TRABD2B: variants seen among roughly 807,000 people sequenced by gnomAD.
TRABD2B encodes the protein metalloprotease TIKI2.
In TRABD2B, 14 loss-of-function variants were observed where a neutral mutation model predicts 40.1. The observed-to-expected ratio is 0.35, with a 90% confidence interval of 0.23 to 0.55. The LOEUF is 0.55. Ranked by LOEUF, TRABD2B falls within the 20% of genes least tolerant of loss-of-function variation. The pLI is 0.90. For synonymous variants in TRABD2B, 263 were observed against 277.0 expected, an observed-to-expected ratio of 0.95 and a Z score of 0.50; for missense variants, 541 against 648.6, an observed-to-expected ratio of 0.83 and a Z score of 1.80.
intron 4 of TRABD2B, among the ~76,000 whole-genome samples, chr1:47,790,984 A>C (rs1176909637): frequency 5.3e-5 from 8 of 152,214 alleles, no homozygotes; most frequent in Non-Finnish European, 4.4e-5. Flanking sequence ...CTTAGCTCAC[A>C]GTGGCAGAGC....
At chr1:47,909,142 A>G (rs1481934259) in intron 2 of TRABD2B, among the ~76,000 whole-genome samples, 1 of 152,208 alleles carries the variant, frequency 6.6e-6, no homozygotes, top group Non-Finnish European at 1.5e-5. Flanking sequence ...ACTGACATCT[A>G]TTAAATACGT....
intron 2 of TRABD2B, among the ~76,000 whole-genome samples, chr1:47,917,883 C>T (rs1017327491): frequency 6.6e-6 from 1 of 152,134 alleles, no homozygotes; most frequent in African/African-American, 2.4e-5. Flanking sequence ...GCTTTAGACT[C>T]AGGTTGGCTG....
chr1:47,827,549 CTTGTCTTGT>C (rs1645192802), intron 2 of TRABD2B, among the ~76,000 whole-genome samples: 1 of 152,208 alleles, frequency 6.6e-6, no homozygotes, highest in East Asian at 1.9e-4. Context: ...CAGCACCTGA[CTTGTCTTGT>C]TTGTGTTGAG....
chr1:47,983,181 G>C (rs1645866019), intron 2 of TRABD2B, among the ~76,000 whole-genome samples: 1 of 152,182 alleles, frequency 6.6e-6, no homozygotes, highest in African/African-American at 2.4e-5. Context: ...TCTTTTGTGG[G>C]AACACGGATG....
At chr1:47,978,084 TC>T (rs1645784954) in intron 2 of TRABD2B, among the ~76,000 whole-genome samples, 1 of 152,074 alleles carries the variant, frequency 6.6e-6, no homozygotes, top group Admixed American at 6.5e-5. Flanking sequence ...TGAAACCTAA[TC>T]CCCAATGTGA....
At chr1:47,952,504 T>C (rs75127990) in intron 2 of TRABD2B, among the ~76,000 whole-genome samples, 2,620 of 152,328 alleles carry the variant, frequency 0.017, 33 homozygotes, top group Middle Eastern at 0.051. Context: ...TCCCATCTGC[T>C]GACTGCTGTT....
intron 4 of TRABD2B, among the ~76,000 whole-genome samples, chr1:47,793,347 T>A (rs1644702107): frequency 6.6e-6 from 1 of 152,210 alleles, no homozygotes; most frequent in Non-Finnish European, 1.5e-5. Context: ...GAGGACTGTA[T>A]CTACTTCTGA....
chr1:47,832,249 C>T (rs1022992077), intron 2 of TRABD2B, among the ~76,000 whole-genome samples: 12 of 151,910 alleles, frequency 7.9e-5, no homozygotes, highest in Admixed American at 2.0e-4. Context: ...AGGAGAAAGG[C>T]GTGAATCCGG....
In TRABD2B at chr1:47,760,589, A is replaced by T. The variant is rs953572828; in HGVS notation, c.*5313T>A. On this transcript the variant is annotated 3_prime_UTR_variant, in exon 7 of 7. Coordinates refer to ENST00000606738, the MANE Select transcript of TRABD2B (RefSeq NM_001194986.2). Reference sequence around the variant, plus strand: ...ACAAAAATATTTTTGGCAAAATAACATTAATAGCATCTTTCTTTGTCTTCT... The same window carrying T: ...ACAAAAATATTTTTGGCAAAATAACTTTAATAGCATCTTTCTTTGTCTTCT... 5 of 151,672 alleles carry T rather than the reference A, an allele frequency of 3.3e-5. No individual in the cohort carries two copies. Among genetic ancestry groups the T allele is most frequent in the Non-Finnish European group, 5.9e-5 (4 of 68,042 alleles). The allele number at this position is 151,672 out of a possible 1,614,324, so 9.4% of individuals were successfully genotyped here. A position where few individuals can be genotyped will look rare whatever the true frequency, so the allele number is the denominator to read the frequency against.
intron 6 of TRABD2B, 30 bp from the exon 7 acceptor site, chr1:47,766,136 A>G: frequency 1.4e-6 from 1 of 701,090 alleles, no homozygotes. Context: ...TGGCAGAGTC[A>G]CCATCGGCAG....
intron 4 of TRABD2B, among the ~76,000 whole-genome samples, chr1:47,787,595 T>C (rs559820514): frequency 2.6e-5 from 4 of 152,320 alleles, no homozygotes; most frequent in Middle Eastern, 3.4e-3. Flanking sequence ...CCTGGGACTC[T>C]CTTTCCTTAG....
chr1:47,882,649 T>C (rs1367409433), intron 2 of TRABD2B, among the ~76,000 whole-genome samples: 1 of 152,138 alleles, frequency 6.6e-6, no homozygotes, highest in Non-Finnish European at 1.5e-5. Context: ...ATGCCCACCA[T>C]AGCCACCAAG....
intron 2 of TRABD2B, among the ~76,000 whole-genome samples, chr1:47,877,681 T>C (rs1644244141): frequency 1.3e-5 from 2 of 152,210 alleles, no homozygotes; most frequent in South Asian, 4.1e-4. Flanking sequence ...GCAGCATTTA[T>C]ACAATTATAA....
At chr1:47,898,814 C>CA (rs1644559363) in intron 2 of TRABD2B, among the ~76,000 whole-genome samples, 2 of 152,078 alleles carry the variant, frequency 1.3e-5, no homozygotes, top group Non-Finnish European at 2.9e-5. Context: ...ATCTAACATC[C>CA]AAAAAATTCT....
rs577006667 is a variant in TRABD2B, at chr1:47,817,883, C to T, written c.667-16264G>A. On this transcript the variant is annotated intron_variant, in intron 2 of 6. Transcript: ENST00000606738. ...GAGGTCAGCAAGCCTGGGAGGCTTC[C>T]ACCCCAGCTCCTCCACCCCCGTTTG... is the stretch of plus-strand genomic sequence containing the variant. Among the ~76,000 whole-genome samples the T allele has an allele frequency of 1.1e-3, 166 of 152,362 alleles. 2 individuals are homozygous for T. The highest frequency in any genetic ancestry group is 3.9e-3 in the African/African-American group (162 of 41,592).
At chr1:47,967,594 C>A (rs542675463) in intron 2 of TRABD2B, among the ~76,000 whole-genome samples, 3 of 152,324 alleles carry the variant, frequency 2.0e-5, no homozygotes, top group African/African-American at 7.2e-5. Context: ...AACCAATACA[C>A]TGCAAAGGAT....
At chr1:47,811,840 T>C (rs192347840) in intron 2 of TRABD2B, among the ~76,000 whole-genome samples, 277 of 152,356 alleles carry the variant, frequency 1.8e-3, no homozygotes, top group African/African-American at 6.5e-3. Context: ...CAGGAGGGTG[T>C]GGGAGTACCT....
rs1217630433 is a variant in TRABD2B, at chr1:47,761,794, G to C, written c.*4108C>G. ...GGCCATCCCCAGACAGCTTTGGCTT[G>C]GTGGAAATTATGCCACTGGTGGAAC... On this transcript the variant is annotated 3_prime_UTR_variant, in exon 7 of 7. Coordinates refer to ENST00000606738, the MANE Select transcript of TRABD2B (RefSeq NM_001194986.2). 1.3e-5 allele frequency: 2 copies of C among 152,244 alleles called. No homozygotes were observed. Among genetic ancestry groups the C allele is most frequent in the African/African-American group, 2.4e-5 (1 of 41,442 alleles). The allele number at this position is 152,244 out of a possible 1,614,324, so 9.4% of individuals were successfully genotyped here. A position where few individuals can be genotyped will look rare whatever the true frequency, so the allele number is the denominator to read the frequency against.
intron 2 of TRABD2B, among the ~76,000 whole-genome samples, chr1:47,826,135 G>A (rs1393891066): frequency 6.6e-6 from 1 of 152,198 alleles, no homozygotes; most frequent in African/African-American, 2.4e-5. Flanking sequence ...CTGGCTTGAA[G>A]GGGACTGTGG....
Sources: gnomAD v4.1 joint callset for allele counts (sites outside exome capture counted in the v4.1 genomes callset) on GRCh38, gnomAD v4.1.1 for gene constraint, MANE v1.5 for transcripts, NCBI Gene and HGNC (gene_info 2026-07-23, HGNC 2026-07-21) for gene names.